CAMK1D: variants seen among roughly 807,000 people sequenced by gnomAD.
CAMK1D encodes the protein calcium/calmodulin dependent protein kinase ID.
Under a neutral mutation model 47.7 loss-of-function variants are expected in CAMK1D, and 9 were observed. The ratio of observed to expected loss-of-function variants is 0.19; its 90% CI spans 0.11 to 0.33. The LOEUF is 0.33. Among genes scored for constraint, CAMK1D ranks in the 10% least tolerant of loss-of-function variants. The probability of loss-of-function intolerance (pLI) is 1.00; values close to 1 mark genes in which losing one functional copy is unlikely to be tolerated. For missense variants in CAMK1D, 291 were observed against 488.7 expected, an observed-to-expected ratio of 0.60 and a Z score of 3.81; for synonymous variants, 184 against 184.9, an observed-to-expected ratio of 0.99 and a Z score of 0.04.
intron 2 of CAMK1D, among the ~76,000 whole-genome samples, chr10:12,569,677 C>T (rs1259755732): frequency 7.4e-6 from 1 of 134,730 alleles, no homozygotes; most frequent in Non-Finnish European, 1.5e-5. Context: ...CGAGATCGTG[C>T]CACTGCACTC....
intron 5 of CAMK1D, among the ~76,000 whole-genome samples, chr10:12,774,521 A>T (rs1837190955): frequency 6.6e-6 from 1 of 152,216 alleles, no homozygotes; most frequent in Non-Finnish European, 1.5e-5. Flanking sequence ...AAATCGTCGT[A>T]TAGACTTTAG....
At chr10:12,753,517 A>T (rs1836083974) in intron 3 of CAMK1D, among the ~76,000 whole-genome samples, 1 of 152,214 alleles carries the variant, frequency 6.6e-6, no homozygotes. Context: ...TTAATGCAGA[A>T]GTCACAATTC....
intron 3 of CAMK1D, among the ~76,000 whole-genome samples, chr10:12,701,303 T>A (rs975865336): frequency 6.6e-6 from 1 of 152,186 alleles, no homozygotes; most frequent in African/African-American, 2.4e-5. Context: ...ATGGCTTATT[T>A]GTGGAATTTA....
At chr10:12,468,246 C>T (rs546715976) in intron 1 of CAMK1D, among the ~76,000 whole-genome samples, 38 of 152,106 alleles carry the variant, frequency 2.5e-4, no homozygotes, top group South Asian at 1.2e-3. Context: ...TCTGTAAAGA[C>T]GGGTCTTCAT....
chr10:12,434,123 C>T (rs987501692), intron 1 of CAMK1D, among the ~76,000 whole-genome samples: 9 of 152,162 alleles, frequency 5.9e-5, no homozygotes, highest in African/African-American at 1.9e-4. Context: ...GGAGCAATCC[C>T]TCATACCTGG....
chr10:12,422,154 A>G (rs974192881), intron 1 of CAMK1D, among the ~76,000 whole-genome samples: 2 of 150,362 alleles, frequency 1.3e-5, no homozygotes, highest in Non-Finnish European at 3.0e-5. Flanking sequence ...TGTGGTTTTT[A>G]TTCTATTCCC....
chr10:12,729,232 A>C (rs1834783892), intron 3 of CAMK1D, among the ~76,000 whole-genome samples: 1 of 152,112 alleles, frequency 6.6e-6, no homozygotes, highest in African/African-American at 2.4e-5. Context: ...TCTAGGTTAC[A>C]AAATTCAATA....
intron 1 of CAMK1D, among the ~76,000 whole-genome samples, chr10:12,467,132 C>T (rs7899150): frequency 0.12 from 17,933 of 151,916 alleles, 1,387 homozygotes; most frequent in East Asian, 0.45. Context: ...TATTGTGACT[C>T]GGCAAAGGGG....
intron 2 of CAMK1D, among the ~76,000 whole-genome samples, chr10:12,581,666 T>A (rs1331126346): frequency 6.6e-6 from 1 of 152,218 alleles, no homozygotes; most frequent in East Asian, 1.9e-4. Context: ...TTTCCTATGT[T>A]TGTTGGCCAT....
In CAMK1D at chr10:12,760,893, TC is replaced by T; in HGVS notation, c.300-52del. The T allele has an allele frequency of 7.6e-6, 12 of 1,570,510 alleles. No homozygotes were observed. In the South Asian group the frequency reaches 1.4e-4, roughly 18 times the overall value. ...GGGATTTTTTTCACATTGGAAGCTT[TC>T]CCTTCACAATTCAACAGATCCTTTC... is the stretch of plus-strand genomic sequence containing the variant. On this transcript the variant is annotated intron_variant, in intron 3 of 10. Transcript: ENST00000619168.
At chr10:12,784,807 A>G (rs1325715693) in intron 5 of CAMK1D, among the ~76,000 whole-genome samples, 2 of 152,132 alleles carry the variant, frequency 1.3e-5, no homozygotes, top group Non-Finnish European at 2.9e-5. Context: ...TTTGGAAGAC[A>G]TTTTTCCACA....
At chr10:12,633,867 C>CT (rs906489325) in intron 2 of CAMK1D, among the ~76,000 whole-genome samples, 113 of 152,276 alleles carry the variant, frequency 7.4e-4, no homozygotes, top group African/African-American at 2.7e-3. Flanking sequence ...AGGAGTTACT[C>CT]TTTTTAAAAG....
chr10:12,774,203 G>C (rs543000226), intron 5 of CAMK1D, among the ~76,000 whole-genome samples: 1 of 152,272 alleles, frequency 6.6e-6, no homozygotes, highest in South Asian at 2.1e-4. Flanking sequence ...TCGTGTGTTA[G>C]GTGGCCTTAA....
At chr10:12,804,937 C>CAAAAAA (rs145584740) in intron 6 of CAMK1D, among the ~76,000 whole-genome samples, 1 of 51,038 alleles carries the variant, frequency 2.0e-5, no homozygotes, top group African/African-American at 8.3e-5. Flanking sequence ...GACCCTGTCT[C>CAAAAAA]AAAAAAAAAA....
At chr10:12,606,979 C>A (rs1017047319) in intron 2 of CAMK1D, among the ~76,000 whole-genome samples, 2 of 152,122 alleles carry the variant, frequency 1.3e-5, no homozygotes, top group Non-Finnish European at 2.9e-5. Context: ...AGGCGTCCAC[C>A]ACCATACCCC....
At chr10:12,785,559 A>G (rs4750261) in intron 5 of CAMK1D, among the ~76,000 whole-genome samples, 143,184 of 152,242 alleles carry the variant, frequency 0.94, 67,987 homozygotes, top group East Asian at 1. Context: ...CTGTGGCTGC[A>G]TAGTTCAGAG....
At chr10:12,494,417 C>T (rs183896771) in intron 1 of CAMK1D, among the ~76,000 whole-genome samples, 103 of 152,054 alleles carry the variant, frequency 6.8e-4, no homozygotes, top group African/African-American at 2.2e-3. Flanking sequence ...TACACACACA[C>T]GTACACACAC....
In CAMK1D at chr10:12,573,144, G is replaced by A. The variant is rs148756423; in HGVS notation, c.224+19788G>A. Reference sequence around the variant, plus strand: ...CTTTCCTTCCAACAGGATATCTGACGACAGAATTAATTAACATGACCCCAC... The same window carrying A: ...CTTTCCTTCCAACAGGATATCTGACAACAGAATTAATTAACATGACCCCAC... On this transcript the variant is annotated intron_variant, in intron 2 of 10. Coordinates refer to ENST00000619168, the MANE Select transcript of CAMK1D (RefSeq NM_153498.4). 8.9e-4 allele frequency among the ~76,000 whole-genome samples: 136 copies of A among 152,350 alleles called. 1 individual carries two copies. Among genetic ancestry groups the A allele is most frequent in the African/African-American group, 3.1e-3 (130 of 41,586 alleles).
At chr10:12,768,543 G>A (rs1836886200) in intron 4 of CAMK1D, among the ~76,000 whole-genome samples, 1 of 152,142 alleles carries the variant, frequency 6.6e-6, no homozygotes, top group African/African-American at 2.4e-5. Context: ...AAGGTTTGGT[G>A]TAAATGACAG....
Sources: allele counts gnomAD v4.1 joint callset (sites outside exome capture counted in the v4.1 genomes callset), GRCh38; gene constraint gnomAD v4.1.1; transcripts MANE v1.5; gene names NCBI Gene and HGNC (gene_info 2026-07-23, HGNC 2026-07-21).